EFCAB6: variants seen among roughly 807,000 people sequenced by gnomAD.
EFCAB6 encodes EF-hand calcium binding domain 6.
A neutral mutation model predicts 169.8 loss-of-function variants in EFCAB6; 156 were observed. That is an observed-to-expected ratio of 0.92 (90% confidence interval 0.81 to 1.05). The LOEUF (loss-of-function observed/expected upper bound fraction) is 1.05. EFCAB6 is among the 50% of genes least tolerant of loss of function. The pLI is 0.00. For synonymous variants in EFCAB6, 698 were observed against 676.4 expected, an observed-to-expected ratio of 1.03 and a Z score of -0.50; for missense variants, 1,800 against 1,829.1, an observed-to-expected ratio of 0.98 and a Z score of 0.29.
chr22:43,726,767 G>C (rs2059753348), intron 8 of EFCAB6, among the ~76,000 whole-genome samples: 1 of 152,222 alleles, frequency 6.6e-6, no homozygotes, highest in African/African-American at 2.4e-5. Flanking sequence ...GATGTGCAGA[G>C]AAGACACCAA....
intron 18 of EFCAB6, among the ~76,000 whole-genome samples, chr22:43,632,670 C>T (rs1220719934): frequency 6.6e-6 from 1 of 152,134 alleles, no homozygotes; most frequent in Non-Finnish European, 1.5e-5. Flanking sequence ...CCATACAGTA[C>T]CCTCCTGTGA....
In EFCAB6 at chr22:43,707,670, G is replaced by T. The variant is rs370115579; in HGVS notation, c.1031+3805C>A. Among the ~76,000 whole-genome samples, 18 of 152,252 alleles carry T rather than the reference G, an allele frequency of 1.2e-4. 1 individual carries two copies. Among genetic ancestry groups the T allele is most frequent in the East Asian group, 7.7e-4 (4 of 5,184 alleles). Reference sequence around the variant, plus strand: ...TTCCCTGCTACATTTTCATTAAAGAGTAGGGCAAAATGAAGATATTTTTGA... The same window carrying T: ...TTCCCTGCTACATTTTCATTAAAGATTAGGGCAAAATGAAGATATTTTTGA... On this transcript the variant is annotated intron_variant, in intron 10 of 31. Coordinates refer to ENST00000262726, the MANE Select transcript of EFCAB6 (RefSeq NM_022785.4).
At chr22:43,697,501 T>C (rs1388842536) in intron 10 of EFCAB6, among the ~76,000 whole-genome samples, 1 of 152,214 alleles carries the variant, frequency 6.6e-6, no homozygotes, top group Non-Finnish European at 1.5e-5. Flanking sequence ...TTTATGGTAG[T>C]TCTTTTTTTT....
At chr22:43,618,165 GGAAAGAAAGAAAGAAAGAAAGAAA>G (rs1172174002) in intron 20 of EFCAB6, among the ~76,000 whole-genome samples, 119 of 68,164 alleles carry the variant, frequency 1.7e-3, no homozygotes, top group African/African-American at 1.9e-3. Context: ...AAGGAAGGAA[GGAAAGAAAGAAAGAAAGAAAGAAA>G]GAAAGAAAGA....
intron 8 of EFCAB6, among the ~76,000 whole-genome samples, chr22:43,719,017 A>G (rs747214460): frequency 6.6e-5 from 10 of 152,088 alleles, no homozygotes; most frequent in Non-Finnish European, 1.0e-4. Flanking sequence ...TGACACTGGT[A>G]CTCTCATGGC....
At chr22:43,690,751 C>T (rs545243721) in intron 10 of EFCAB6, among the ~76,000 whole-genome samples, 1 of 151,576 alleles carries the variant, frequency 6.6e-6, no homozygotes, top group Non-Finnish European at 1.5e-5. Flanking sequence ...TCCCTGCCCT[C>T]GGTCCCTTCT....
At chr22:43,616,364 G>C (rs964886958) in intron 20 of EFCAB6, among the ~76,000 whole-genome samples, 2 of 152,208 alleles carry the variant, frequency 1.3e-5, no homozygotes, top group Non-Finnish European at 2.9e-5. Context: ...GGTGAGGCTT[G>C]TAGGATTTAA....
intron 19 of EFCAB6, among the ~76,000 whole-genome samples, chr22:43,629,457 C>T (rs960983910): frequency 3.3e-5 from 5 of 152,196 alleles, no homozygotes; most frequent in African/African-American, 1.2e-4. Flanking sequence ...TGTGTGTGGC[C>T]CTCCAGTTCG....
intron 26 of EFCAB6, among the ~76,000 whole-genome samples, chr22:43,571,407 G>T (rs1451546540): frequency 1.3e-5 from 2 of 152,160 alleles, no homozygotes; most frequent in African/African-American, 4.8e-5. Flanking sequence ...CTTACCTCCT[G>T]TGCATCCCCC....
chr22:43,672,069 G>A lies in EFCAB6; in HGVS notation c.1544C>T (p.Ser515Leu). ...NLQAFYNMLRSYDLGDTGRIG... is the reference protein window; with the variant it reads ...NLQAFYNMLRLYDLGDTGRIG... The stretch of plus-strand genomic sequence containing the variant: ...GCGCCCTGTGTCTCCAAGGTCATAT[G>A]AGCGTAGCATGTTATAAAAAGCTTG... Residue 515 changes from serine (S) to leucine (L), a missense_variant, in exon 15 of 32, where the codon TCA (serine) becomes TTA (leucine). Transcript: ENST00000262726. The A allele has an allele frequency of 6.2e-7, 1 of 1,614,146 alleles. No individual in the cohort carries two copies. Among genetic ancestry groups the A allele is most frequent in the East Asian group, 2.2e-5 (1 of 44,878 alleles).
At chr22:43,683,942 C>T in intron 11 of EFCAB6, 87 bp from the exon 12 acceptor site, 2 of 975,118 alleles carry the variant, frequency 2.1e-6, no homozygotes, top group Non-Finnish European at 3.2e-6. Context: ...GCACCCTCAC[C>T]ACAATACAGT....
chr22:43,684,762 T>C (rs1446372088), intron 11 of EFCAB6, among the ~76,000 whole-genome samples: 2 of 152,208 alleles, frequency 1.3e-5, no homozygotes, highest in Non-Finnish European at 2.9e-5. Flanking sequence ...TCTTTTTCTA[T>C]AGACGGCCAG....
intron 6 of EFCAB6, among the ~76,000 whole-genome samples, chr22:43,743,881 TG>T (rs1460350581): frequency 6.6e-6 from 1 of 151,116 alleles, no homozygotes; most frequent in Non-Finnish European, 1.5e-5. Flanking sequence ...GATGGATGGG[TG>T]GGTGAGTGGA....
intron 19 of EFCAB6, among the ~76,000 whole-genome samples, chr22:43,627,166 C>T (rs895627766): frequency 1.3e-4 from 20 of 152,290 alleles, no homozygotes; most frequent in African/African-American, 3.8e-4. Context: ...AGAGATCAGC[C>T]GTGTCTGGGA....
intron 15 of EFCAB6, among the ~76,000 whole-genome samples, chr22:43,671,715 T>A (rs2057501407): frequency 1.3e-5 from 2 of 152,202 alleles, no homozygotes; most frequent in African/African-American, 4.8e-5. Context: ...AGTGAGTATT[T>A]AACTTCTCCA....
chr22:43,598,812 GAGA>G (rs1241675904), intron 23 of EFCAB6, among the ~76,000 whole-genome samples: 1 of 152,122 alleles, frequency 6.6e-6, no homozygotes. Flanking sequence ...ATAGCTAGAA[GAGA>G]AGATTTGTAG....
chr22:43,554,623 C>A (rs561532543), intron 27 of EFCAB6: 4 of 507,584 alleles, frequency 7.9e-6, no homozygotes, highest in African/African-American at 1.9e-5. Context: ...GGAGCCGAAG[C>A]GGAGTTGAAT....
At chr22:43,720,314 A>G (rs1457329958) in intron 8 of EFCAB6, among the ~76,000 whole-genome samples, 1 of 150,962 alleles carries the variant, frequency 6.6e-6, no homozygotes, top group Non-Finnish European at 1.5e-5. Context: ...CAAGACCAGC[A>G]TGGGCAACAA....
At chr22:43,656,408 A>T (rs986356103) in intron 17 of EFCAB6, among the ~76,000 whole-genome samples, 2 of 152,066 alleles carry the variant, frequency 1.3e-5, no homozygotes, top group African/African-American at 4.8e-5. Context: ...AAAAAAGAAA[A>T]GAAAATTAAA....
Sources: allele counts gnomAD v4.1 joint callset (sites outside exome capture counted in the v4.1 genomes callset), GRCh38; gene constraint gnomAD v4.1.1; transcripts MANE v1.5; gene names NCBI Gene and HGNC (gene_info 2026-07-23, HGNC 2026-07-21).